The following DLC1 variants were observed in gnomAD, a reference collection of about 807,000 sequenced individuals.
DLC1 encodes rho GTPase-activating protein 7.
DLC1 carries 54 observed loss-of-function variants against 140.3 expected under a neutral mutation model. The observed-to-expected ratio is 0.38, with a 90% confidence interval of 0.31 to 0.48. DLC1 has a LOEUF of 0.48. Ranked by LOEUF, DLC1 falls within the 20% of genes least tolerant of loss-of-function variation. The pLI is 0.96. For missense variants in DLC1, 2,536 were observed against 1,907.0 expected, an observed-to-expected ratio of 1.33 and a Z score of -6.14; for synonymous variants, 986 against 728.1, an observed-to-expected ratio of 1.35 and a Z score of -5.70.
intron 1 of DLC1, among the ~76,000 whole-genome samples, chr8:13,593,494 A>C (rs899626018): frequency 6.6e-6 from 1 of 152,120 alleles, no homozygotes; most frequent in African/African-American, 2.4e-5. Flanking sequence ...ACGCTTCTCC[A>C]ACTCTGACTC....
intron 5 of DLC1, among the ~76,000 whole-genome samples, chr8:13,155,155 T>C (rs1045802616): frequency 6.6e-6 from 1 of 151,654 alleles, no homozygotes; most frequent in Non-Finnish European, 1.5e-5. Context: ...TTAAAGCGAA[T>C]GTCTCCATAT....
chr8:13,520,560 G>A (rs1802733402), intron 1 of DLC1, among the ~76,000 whole-genome samples: 2 of 152,070 alleles, frequency 1.3e-5, no homozygotes, highest in South Asian at 4.2e-4. Flanking sequence ...ACCATGGCAC[G>A]TGTATACCTA....
At chr8:13,295,939 TTTG>T (rs1831928712) in intron 5 of DLC1, among the ~76,000 whole-genome samples, 2 of 106,554 alleles carry the variant, frequency 1.9e-5, no homozygotes, top group African/African-American at 7.0e-5. Context: ...GATAAGATTC[TTTG>T]TTTTTTTTTT....
At chr8:13,452,309 AC>A (rs1799103149) in intron 2 of DLC1, among the ~76,000 whole-genome samples, 1 of 152,126 alleles carries the variant, frequency 6.6e-6, no homozygotes, top group African/African-American at 2.4e-5. Flanking sequence ...CTATAGCTCC[AC>A]TGACCTCAAT....
chr8:13,208,655 G>A (rs1037636996), intron 5 of DLC1, among the ~76,000 whole-genome samples: 9 of 151,758 alleles, frequency 5.9e-5, no homozygotes, highest in Non-Finnish European at 8.8e-5. Flanking sequence ...CTTTGGAACC[G>A]TGGCTTAAGG....
At chr8:13,559,492 T>C (rs1022354092) in intron 1 of DLC1, 10 of 152,214 alleles carry the variant, frequency 6.6e-5, no homozygotes, top group African/African-American at 2.4e-4. Flanking sequence ...TTGAACACTT[T>C]AATAACATAG....
intron 4 of DLC1, among the ~76,000 whole-genome samples, chr8:13,318,660 T>C (rs1457228993): frequency 6.6e-6 from 1 of 152,178 alleles, no homozygotes. Flanking sequence ...AAACACCTAG[T>C]TGGAACATGG....
intron 4 of DLC1, among the ~76,000 whole-genome samples, chr8:13,372,619 T>C (rs1251223410): frequency 1.3e-5 from 2 of 152,220 alleles, no homozygotes; most frequent in African/African-American, 4.8e-5. Flanking sequence ...GTTCATGAAC[T>C]GTCTGTCATA....
intron 5 of DLC1, among the ~76,000 whole-genome samples, chr8:13,190,165 G>C (rs1053796423): frequency 6.6e-6 from 1 of 152,144 alleles, no homozygotes; most frequent in African/African-American, 2.4e-5. Context: ...ATTTTACATT[G>C]TTTATGTCAA....
chr8:13,453,535 T>TATAC (rs1172566866), intron 2 of DLC1, among the ~76,000 whole-genome samples: 4 of 52,912 alleles, frequency 7.6e-5, no homozygotes, highest in African/African-American at 1.1e-4. Flanking sequence ...TATGTATATA[T>TATAC]ATACATATAT....
chr8:13,536,536 C>G (rs948560341), intron 1 of DLC1, among the ~76,000 whole-genome samples: 1 of 152,142 alleles, frequency 6.6e-6, no homozygotes, highest in African/African-American at 2.4e-5. Flanking sequence ...AAGGCAATTG[C>G]TCTCATCTCC....
In DLC1 at chr8:13,091,330, C is replaced by A. The variant is rs1345569368; in HGVS notation, c.3843G>T (p.Lys1281Asn). The change falls in exon 14 of 18, where the codon AAG becomes AAT. Residue 1281 changes from lysine to asparagine, a missense_variant. Transcript: ENST00000276297. ...QGLAHMIAEC[K>N]KLFQVPEEMS... ...CTCAATTCCTTACCTGGAAAAGCTT[C>A]TTGCACTCGGCGATCATATGGGCCA... 1 of 1,614,010 alleles carries A rather than the reference C, an allele frequency of 6.2e-7. No individual in the cohort carries two copies. Among genetic ancestry groups the A allele is most frequent in the African/African-American group, 1.3e-5 (1 of 75,026 alleles).
At chr8:13,184,412 T>C (rs1031776793) in intron 5 of DLC1, among the ~76,000 whole-genome samples, 3 of 152,252 alleles carry the variant, frequency 2.0e-5, no homozygotes, top group Non-Finnish European at 2.9e-5. Flanking sequence ...TTTAGATCTT[T>C]TCTGCTTTCT....
At chr8:13,587,293 A>G (rs867259980) in intron 1 of DLC1, among the ~76,000 whole-genome samples, 1 of 152,010 alleles carries the variant, frequency 6.6e-6, no homozygotes, top group Non-Finnish European at 1.5e-5. Context: ...AGCCAAGAAA[A>G]AAAAAAGAGA....
At chr8:13,292,406 A>T (rs896813431) in intron 5 of DLC1, among the ~76,000 whole-genome samples, 1 of 152,250 alleles carries the variant, frequency 6.6e-6, no homozygotes, top group Non-Finnish European at 1.5e-5. Context: ...AGTTAGACCC[A>T]GGTCACTCTT....
chr8:13,426,132 T>C (rs427561), intron 2 of DLC1, among the ~76,000 whole-genome samples: 90,721 of 151,934 alleles, frequency 0.6, 27,578 homozygotes, highest in African/African-American at 0.7. Flanking sequence ...ATTATTATTA[T>C]TTTGGCAAGG....
chr8:13,579,337 A>AAAATACATATT (rs1804968934), intron 1 of DLC1, among the ~76,000 whole-genome samples: 1 of 20,406 alleles, frequency 4.9e-5, no homozygotes, highest in African/African-American at 1.8e-4. Flanking sequence ...ATATATATAT[A>AAAATACATATT]TATATATATA....
intron 5 of DLC1, among the ~76,000 whole-genome samples, chr8:13,193,570 T>C (rs1826881506): frequency 6.6e-6 from 1 of 152,190 alleles, no homozygotes; most frequent in Non-Finnish European, 1.5e-5. Context: ...CATTTATCTT[T>C]ATTTCTGTTG....
At chr8:13,444,669 GAC>G (rs1241617864) in intron 2 of DLC1, among the ~76,000 whole-genome samples, 1 of 152,032 alleles carries the variant, frequency 6.6e-6, no homozygotes, top group Non-Finnish European at 1.5e-5. Flanking sequence ...AATTTATCTT[GAC>G]ACAGTTATTT....
Sources: allele counts gnomAD v4.1 joint callset (sites outside exome capture counted in the v4.1 genomes callset), GRCh38; gene constraint gnomAD v4.1.1; transcripts MANE v1.5; gene names NCBI Gene and HGNC (gene_info 2026-07-23, HGNC 2026-07-21).